Variants in NLRP7 observed in about 807,000 individuals in gnomAD.
NLRP7 encodes the protein NACHT, LRR and PYD domains-containing protein 7.
Under a neutral mutation model 85.5 loss-of-function variants are expected in NLRP7, and 72 were observed. The observed-to-expected ratio is 0.84, with a 90% CI of 0.70 to 1.02. NLRP7 has a LOEUF of 1.02. NLRP7 is among the 50% of genes least tolerant of loss of function. NLRP7 has a pLI of 0.00. For synonymous variants in NLRP7, 550 were observed against 505.2 expected (o/e 1.09, Z -1.19); for missense variants, 1,243 against 1,219.5 (o/e 1.02, Z -0.29).
chr19:54,928,151 C>T lies in NLRP7; in HGVS notation c.2810+2348G>A, dbSNP rs540670601. 5.4e-3 allele frequency among the ~76,000 whole-genome samples: 825 copies of T among 152,134 alleles called. 5 individuals are homozygous for T. Among genetic ancestry groups the T allele is most frequent in the African/African-American group, 0.019 (774 of 41,506 alleles). ...ACAAGAATCGCTTCAGCCTGGGAGGCGGAGGTTACAGTGAGCCCAGATTGC... is the reference window on the plus strand; with the variant it reads ...ACAAGAATCGCTTCAGCCTGGGAGGTGGAGGTTACAGTGAGCCCAGATTGC... On this transcript the variant is annotated intron_variant, in intron 9 of 9. Coordinates refer to ENST00000340844, the Ensembl canonical transcript of NLRP7.
intron 9 of NLRP7, among the ~76,000 whole-genome samples, chr19:54,929,048 G>A (rs1468664644): frequency 6.6e-6 from 1 of 152,162 alleles, no homozygotes; most frequent in Non-Finnish European, 1.5e-5. Flanking sequence ...CTTGAGGCTT[G>A]AAATATTCCT....
At chr19:54,964,070 G>A (rs973664591) in intron 1 of NLRP7, among the ~76,000 whole-genome samples, 33 of 150,262 alleles carry the variant, frequency 2.2e-4, no homozygotes, top group African/African-American at 8.0e-4. Flanking sequence ...TAGTTGAGAC[G>A]GGGTTTCATC....
chr19:54,942,913 G>A (rs1470110366), intron 1 of NLRP7, among the ~76,000 whole-genome samples: 1 of 151,956 alleles, frequency 6.6e-6, no homozygotes, highest in Non-Finnish European at 1.5e-5. Flanking sequence ...TTGGGAGGCT[G>A]AGGCAGGTGG....
rs745795759 is a variant in NLRP7, at chr19:54,939,033, T to C, written c.1786A>G (p.Ile596Val). 2.6e-5 allele frequency: 42 copies of C among 1,614,076 alleles called. No homozygotes were observed. The East Asian group carries it at 5.1e-4, about 20-fold the overall frequency. Residue 596 changes from isoleucine to valine, a missense_variant, in exon 4 of 10, where the codon ATT (isoleucine) becomes GTT (valine). Physicochemically the swap from Ile to Val is conservative, Grantham distance 29 (BLOSUM62 3). Transcript: ENST00000340844. ...ACTTCAGAAGTATTTGTCAGGTGAA[T>C]AGAAATTTCCTTGAACGGGGCCACC... is the stretch of plus-strand genomic sequence containing the variant.
rs1281776235 is a variant in NLRP7, at chr19:54,934,380, T to C, written c.2471+109A>G. On this transcript the variant is annotated intron_variant, in intron 7 of 9. Transcript: ENST00000340844. This position sits in a 1 kb window ranked among gnomAD's most constrained non-coding sequence, Gnocchi z 6.7. Reference sequence around the variant, plus strand: ...CCGTGCCGGGCCTGAAGCAGGTGTTTATTTCAGCAAGAGGCGCCACGTGGG... The same window carrying C: ...CCGTGCCGGGCCTGAAGCAGGTGTTCATTTCAGCAAGAGGCGCCACGTGGG... The C allele has an allele frequency of 4.5e-6, 5 of 1,102,872 alleles. No individual in the cohort carries two copies. Among genetic ancestry groups the C allele is most frequent in the African/African-American group, 1.5e-5 (1 of 64,812 alleles). 68.3% of individuals were successfully genotyped at this position (1,102,872 alleles called of 1,614,324 possible).
chr19:54,963,322 G>T (rs373267537), intron 1 of NLRP7, among the ~76,000 whole-genome samples: 12 of 152,102 alleles, frequency 7.9e-5, no homozygotes, highest in Non-Finnish European at 1.3e-4. Flanking sequence ...CAGCCTAGGC[G>T]ACAGAGTGAG....
intron 1 of NLRP7, among the ~76,000 whole-genome samples, chr19:54,954,492 T>C (rs2069785139): frequency 1.8e-5 from 2 of 111,614 alleles, no homozygotes; most frequent in South Asian, 5.3e-4. Flanking sequence ...ATAGTGCCAC[T>C]GCACTCTGGC....
At chr19:54,962,552 T>A (rs1015152192) in intron 1 of NLRP7, among the ~76,000 whole-genome samples, 1 of 151,454 alleles carries the variant, frequency 6.6e-6, no homozygotes, top group Non-Finnish European at 1.5e-5. Flanking sequence ...ATTACAGGCA[T>A]GAATCACCAC....
intron 9 of NLRP7, chr19:54,927,769 C>G (rs1302803323): frequency 1.9e-6 from 3 of 1,613,732 alleles, no homozygotes; most frequent in Admixed American, 1.7e-5. Context: ...GGGAGCAGCT[C>G]CAGAGGCTGT....
At chr19:54,947,633 T>G, upstream of NLRP7, 1 of 1,289,492 alleles carries the variant, frequency 7.8e-7, no homozygotes, top group Non-Finnish European at 1.0e-6. Context: ...ACCACTGACC[T>G]CAGGCTCACC....
chr19:54,946,325 C>T (rs930973544), intron 1 of NLRP7, among the ~76,000 whole-genome samples: 13 of 151,634 alleles, frequency 8.6e-5, no homozygotes, highest in Non-Finnish European at 1.8e-4. Flanking sequence ...GATTCTCCTG[C>T]CTCAGCCTCC....
intron 1 of NLRP7, among the ~76,000 whole-genome samples, chr19:54,962,646 C>T (rs972538095): frequency 6.6e-6 from 1 of 151,392 alleles, no homozygotes; most frequent in African/African-American, 2.4e-5. Flanking sequence ...GTCACCCAGG[C>T]TGGAGTGCAG....
chr19:54,936,939 G>A (rs1178633876), intron 5 of NLRP7, among the ~76,000 whole-genome samples: 1 of 151,548 alleles, frequency 6.6e-6, no homozygotes, highest in Non-Finnish European at 1.5e-5. Flanking sequence ...TTCGCCGGGT[G>A]TGGTGGCTCA....
At chr19:54,963,052 G>A (rs552088117) in intron 1 of NLRP7, among the ~76,000 whole-genome samples, 10 of 152,230 alleles carry the variant, frequency 6.6e-5, no homozygotes, top group African/African-American at 2.4e-4. Flanking sequence ...GTGAAAAATG[G>A]GTAGGATCAT....
chr19:54,932,190 G>A (rs1322391999), intron 8 of NLRP7, among the ~76,000 whole-genome samples: 1 of 152,068 alleles, frequency 6.6e-6, no homozygotes, highest in African/African-American at 2.4e-5. Context: ...CACTTTGGGA[G>A]GCCGAGGCAG....
chr19:54,941,509 C>T, exon 2 of NLRP7: 1 of 1,613,878 alleles, frequency 6.2e-7, no homozygotes, highest in Non-Finnish European at 8.5e-7. Flanking sequence ...AGTCGCATTC[C>T]TTATCCAATT....
chr19:54,938,779 T>C (rs2069059473), intron 4 of NLRP7, 109 bp downstream of exon 4: 17 of 1,225,550 alleles, frequency 1.4e-5, no homozygotes, highest in Non-Finnish European at 2.0e-5. Flanking sequence ...ACGTTGAACA[T>C]GAAGCTGGAA....
intron 9 of NLRP7, among the ~76,000 whole-genome samples, chr19:54,927,123 T>A (rs1475867101): frequency 6.8e-6 from 1 of 148,118 alleles, no homozygotes; most frequent in South Asian, 2.1e-4. Context: ...GTGCAATGGC[T>A]CACCTCTGTA....
rs918459078 is a variant in NLRP7 at position 54,945,245 on chromosome 19, A to C, written c.-40+2224T>G. On this transcript the variant is annotated intron_variant, in intron 1 of 9. Coordinates refer to ENST00000340844, the Ensembl canonical transcript of NLRP7. ...GCGAGTGAGACTCCCTCTCAAAAAA[A>C]AAAAAAAAAAGAAAAGAAAAGAAAA... Among the ~76,000 whole-genome samples, 207 of 150,728 alleles carry C rather than the reference A, an allele frequency of 1.4e-3. 1 individual carries two copies. The highest frequency in any genetic ancestry group is 2.4e-3 in the Non-Finnish European group (165 of 67,716).
Sources: gnomAD v4.1 joint callset for allele counts (sites outside exome capture counted in the v4.1 genomes callset) on GRCh38, gnomAD v4.1.1 for gene constraint, Gnocchi (gnomAD v3.1) non-coding constraint, MANE v1.5 for transcripts, NCBI Gene and HGNC (gene_info 2026-07-23, HGNC 2026-07-21) for gene names.